Variants in MRPS35 observed in about 807,000 individuals in gnomAD.
MRPS35 encodes small ribosomal subunit protein mS35.
Under a neutral mutation model 32.7 loss-of-function variants are expected in MRPS35, and 29 were observed. The observed-to-expected ratio is 0.89, with a 90% CI of 0.66 to 1.21. The LOEUF is 1.21. MRPS35 is among the 50% of genes most tolerant of loss of function. The pLI, the probability that MRPS35 is intolerant of heterozygous loss-of-function variation, is 0.00. For synonymous variants in MRPS35, 148 were observed against 139.3 expected, an observed-to-expected ratio of 1.06 and a Z score of -0.44; for missense variants, 373 against 383.8, an observed-to-expected ratio of 0.97 and a Z score of 0.23.
intron 7 of MRPS35, among the ~76,000 whole-genome samples, chr12:27,741,989 G>A (rs1233018321): frequency 6.6e-6 from 1 of 152,180 alleles, no homozygotes; most frequent in Non-Finnish European, 1.5e-5. Flanking sequence ...ATTTAGCCAA[G>A]CAGTGTTGCA....
chr12:27,751,536 C>T (rs1016563069), intron 7 of MRPS35, among the ~76,000 whole-genome samples: 6 of 152,052 alleles, frequency 3.9e-5, no homozygotes, highest in Admixed American at 6.5e-5. Flanking sequence ...CGGTTTGCTC[C>T]GGCTGTGTGG....
chr12:27,751,511 C>T (rs1283067578), intron 7 of MRPS35, among the ~76,000 whole-genome samples: 1 of 152,186 alleles, frequency 6.6e-6, no homozygotes, highest in Non-Finnish European at 1.5e-5. Context: ...CTTACACTGT[C>T]CACCTTTATC....
At chr12:27,712,333 C>A (rs1051594222) in intron 1 of MRPS35, among the ~76,000 whole-genome samples, 1 of 152,096 alleles carries the variant, frequency 6.6e-6, no homozygotes, top group African/African-American at 2.4e-5. Flanking sequence ...TCTGATCTCT[C>A]AAGAGTTTGT....
Position 27,728,058 on chromosome 12 carries a change from G to A in MRPS35, c.522+3872G>A, listed in dbSNP as rs201062482. Among the ~76,000 whole-genome samples, 3 of 152,052 alleles carry A rather than the reference G, an allele frequency of 2.0e-5. No homozygotes were observed. In the East Asian group the frequency reaches 5.8e-4, roughly 29 times the overall value. On this transcript the variant is annotated intron_variant, in intron 5 of 7. Coordinates refer to ENST00000081029, the MANE Select transcript of MRPS35 (RefSeq NM_021821.4). ...CAATCCACGTTCCAATCCACGGTTAGTTGAATCCACAAATGTGGAGCCCGT... is the reference window on the plus strand; with the variant it reads ...CAATCCACGTTCCAATCCACGGTTAATTGAATCCACAAATGTGGAGCCCGT...
Position 27,749,607 on chromosome 12 carries a change from C to T in MRPS35, c.703-5574C>T, listed in dbSNP as rs540576895. ...TTCATAGTGGTGGTGGAATACATGT[C>T]ATGTACATTTTGAAGCCATTCTGCA... is the stretch of plus-strand genomic sequence containing the variant. On this transcript the variant is annotated intron_variant, in intron 7 of 7. Transcript: ENST00000081029. Among the ~76,000 whole-genome samples, 121 of 152,244 alleles carry T rather than the reference C, an allele frequency of 7.9e-4. 1 individual carries two copies. In the South Asian group the frequency reaches 0.017, roughly 22 times the overall value.
chr12:27,749,138 A>AT (rs10706615), intron 7 of MRPS35, among the ~76,000 whole-genome samples: 12,874 of 151,554 alleles, frequency 0.085, 737 homozygotes, highest in South Asian at 0.14. Context: ...ATTATGGATG[A>AT]TTTTTTTTTT....
At chr12:27,750,455 T>G (rs1482676394) in intron 7 of MRPS35, among the ~76,000 whole-genome samples, 1 of 152,220 alleles carries the variant, frequency 6.6e-6, no homozygotes, top group African/African-American at 2.4e-5. Context: ...TGTCATTATC[T>G]TGGAATTCTT....
intron 4 of MRPS35, among the ~76,000 whole-genome samples, chr12:27,721,667 A>T (rs2061875987): frequency 6.6e-6 from 1 of 152,210 alleles, no homozygotes; most frequent in South Asian, 2.1e-4. Flanking sequence ...AACAATAAAA[A>T]AAAATAAAAT....
intron 1 of MRPS35, among the ~76,000 whole-genome samples, chr12:27,714,518 A>G (rs1415510182): frequency 6.7e-6 from 1 of 150,310 alleles, no homozygotes; most frequent in Non-Finnish European, 1.5e-5. Flanking sequence ...CTCCGGAGGT[A>G]GAGGTTGCAG....
intron 7 of MRPS35, among the ~76,000 whole-genome samples, chr12:27,743,485 G>A (rs746193418): frequency 1.1e-4 from 17 of 152,036 alleles, no homozygotes; most frequent in Admixed American, 3.3e-4. Flanking sequence ...CCGAGATGGC[G>A]CCACTGCACT....
chr12:27,715,488 G>GTC (rs1443243381), intron 2 of MRPS35, among the ~76,000 whole-genome samples: 1 of 152,192 alleles, frequency 6.6e-6, no homozygotes, highest in South Asian at 2.1e-4. Context: ...AACTAGTTGA[G>GTC]TCTCACCCTG....
chr12:27,732,576 A>G (rs1002784802), intron 5 of MRPS35, among the ~76,000 whole-genome samples: 1 of 152,228 alleles, frequency 6.6e-6, no homozygotes, highest in Non-Finnish European at 1.5e-5. Context: ...CATGCAGTCC[A>G]GCATGATTAA....
rs2061848749 is a variant in MRPS35 at position 27,715,984 on chromosome 12, C to T, written c.154-307C>T. Among the ~76,000 whole-genome samples, 3 of 152,034 alleles carry T rather than the reference C, an allele frequency of 2.0e-5. No individual in the cohort carries two copies. In the South Asian group the frequency reaches 6.2e-4, roughly 31 times the overall value. ...ATTTCAAAATGTATTGTTAATTCAC[C>T]CTTTCATAAGCAAAATGTAAAAATT... On this transcript the variant is annotated intron_variant, in intron 2 of 7. Coordinates refer to ENST00000081029, the MANE Select transcript of MRPS35 (RefSeq NM_021821.4).
chr12:27,756,258 A>G lies in MRPS35; in HGVS notation c.*808A>G, dbSNP rs1440959613. On this transcript the variant is annotated 3_prime_UTR_variant, in exon 8 of 8. Transcript: ENST00000081029. ...GTTTCTTACCACTTCGATGGTTGTG[A>G]TTAATTTAAAATCAAAATAAAGGAA... 1 of 152,274 alleles carries G rather than the reference A, an allele frequency of 6.6e-6. No homozygotes were observed. The highest frequency in any genetic ancestry group is 1.5e-5 in the Non-Finnish European group (1 of 68,058). 9.4% of individuals were successfully genotyped at this position (152,274 alleles called of 1,614,324 possible). A position where few individuals can be genotyped will look rare whatever the true frequency, so the allele number is the denominator to read the frequency against.
chr12:27,723,122 G>T (rs958601373), intron 4 of MRPS35, among the ~76,000 whole-genome samples: 23 of 152,194 alleles, frequency 1.5e-4, no homozygotes, highest in African/African-American at 5.3e-4. Flanking sequence ...GGCTGTTTAA[G>T]AAATGAGATT....
intron 7 of MRPS35, 106 bp from the exon 8 acceptor site, chr12:27,755,075 T>C: frequency 7.5e-7 from 1 of 1,340,326 alleles, no homozygotes; most frequent in South Asian, 1.6e-5. Flanking sequence ...TCTCTTCCCT[T>C]AAAAAGGAAG....
intron 7 of MRPS35, among the ~76,000 whole-genome samples, chr12:27,739,309 A>G (rs2061954625): frequency 6.6e-6 from 1 of 152,020 alleles, no homozygotes; most frequent in South Asian, 2.1e-4. Context: ...AAAAAAATAT[A>G]CTCCTTGAAT....
chr12:27,743,086 C>A (rs887515901), intron 7 of MRPS35, among the ~76,000 whole-genome samples: 7 of 151,782 alleles, frequency 4.6e-5, no homozygotes, highest in Non-Finnish European at 8.8e-5. Context: ...TTCTCGAACT[C>A]CTGGGCTCAG....
At chr12:27,739,055 G>A (rs2061953657) in intron 7 of MRPS35, among the ~76,000 whole-genome samples, 1 of 151,856 alleles carries the variant, frequency 6.6e-6, no homozygotes, top group South Asian at 2.1e-4. Flanking sequence ...CACCACTACC[G>A]CCTGGCTAAT....
Sources: allele counts gnomAD v4.1 joint callset (sites outside exome capture counted in the v4.1 genomes callset), GRCh38; gene constraint gnomAD v4.1.1; transcripts MANE v1.5; gene names NCBI Gene and HGNC (gene_info 2026-07-23, HGNC 2026-07-21).